ADAMTS17: variants seen among roughly 807,000 people sequenced by gnomAD.
The protein encoded by ADAMTS17 is ADAM metallopeptidase with thrombospondin type 1 motif 17.
Under a neutral mutation model 141.5 loss-of-function variants are expected in ADAMTS17, and 113 were observed. The observed-to-expected ratio is 0.80, with a 90% CI of 0.69 to 0.93. The LOEUF (loss-of-function observed/expected upper bound fraction) is 0.93. ADAMTS17 is among the 40% of genes least tolerant of loss of function. The pLI is 0.00. For synonymous variants in ADAMTS17, 768 were observed against 630.6 expected (o/e 1.22, Z -3.27); for missense variants, 1,659 against 1,517.9 (o/e 1.09, Z -1.54).
At chr15:100,262,749 A>G (rs1046193424) in intron 4 of ADAMTS17, among the ~76,000 whole-genome samples, 8 of 151,650 alleles carry the variant, frequency 5.3e-5, no homozygotes, top group South Asian at 2.1e-4. Flanking sequence ...TTAAAAATCA[A>G]TATTAAAAAT....
intron 18 of ADAMTS17, among the ~76,000 whole-genome samples, chr15:100,026,057 C>A (rs982036281): frequency 1.3e-5 from 2 of 152,152 alleles, no homozygotes; most frequent in African/African-American, 4.8e-5. Flanking sequence ...CCTCAGAAGG[C>A]CTCCTCATAC....
chr15:100,258,898 G>A (rs992711339), intron 6 of ADAMTS17, among the ~76,000 whole-genome samples: 2 of 152,154 alleles, frequency 1.3e-5, no homozygotes, highest in African/African-American at 4.8e-5. Flanking sequence ...CCTTGTAAAA[G>A]GGCTAATACA....
chr15:100,073,613 G>A (rs1252350124), intron 15 of ADAMTS17, among the ~76,000 whole-genome samples: 1 of 151,860 alleles, frequency 6.6e-6, no homozygotes, highest in Non-Finnish European at 1.5e-5. Context: ...GTCCTTTGTA[G>A]GGACATGGAT....
intron 7 of ADAMTS17, among the ~76,000 whole-genome samples, chr15:100,232,427 G>A (rs541495166): frequency 6.6e-5 from 10 of 152,352 alleles, no homozygotes; most frequent in African/African-American, 2.4e-4. Flanking sequence ...TGAAAATAGT[G>A]CCAGACATGG....
chr15:100,052,636 TTA>T (rs1445847809), intron 16 of ADAMTS17, among the ~76,000 whole-genome samples: 3 of 152,198 alleles, frequency 2.0e-5, no homozygotes, highest in Non-Finnish European at 4.4e-5. Context: ...AGTACAGGTT[TTA>T]TGTTTTGCCT....
chr15:100,292,214 C>G (rs572503349), intron 3 of ADAMTS17, among the ~76,000 whole-genome samples: 9 of 140,570 alleles, frequency 6.4e-5, no homozygotes, highest in East Asian at 4.8e-4. Context: ...GACACGCTCA[C>G]CCCGTGGGGA....
chr15:99,980,517 CT>C (rs1235675166), intron 20 of ADAMTS17: 1 of 152,234 alleles, frequency 6.6e-6, no homozygotes, highest in Non-Finnish European at 1.5e-5. Flanking sequence ...GGGCAGGGGG[CT>C]GTTGGATTTC....
At chr15:100,289,887 A>G (rs2044573121) in intron 3 of ADAMTS17, among the ~76,000 whole-genome samples, 1 of 152,230 alleles carries the variant, frequency 6.6e-6, no homozygotes, top group African/African-American at 2.4e-5. Context: ...AGAGCCATCT[A>G]TGACAAACCC....
Position 100,192,309 on chromosome 15 carries a change from G to T in ADAMTS17, c.1181+7009C>A, listed in dbSNP as rs560828602. 9.8e-5 allele frequency among the ~76,000 whole-genome samples: 15 copies of T among 152,300 alleles called. 1 individual carries two copies. The highest frequency in any genetic ancestry group is 3.6e-4 in the African/African-American group (15 of 41,560). ...GGCCATGATTGCTAAGCAGGAACTG[G>T]GGATGAGGCCCAGGCAGGAACCTGC... is the stretch of plus-strand genomic sequence containing the variant. On this transcript the variant is annotated intron_variant, in intron 8 of 21. Coordinates refer to ENST00000268070, the MANE Select transcript of ADAMTS17 (RefSeq NM_139057.4).
At chr15:100,213,236 A>T (rs779996290) in intron 7 of ADAMTS17, among the ~76,000 whole-genome samples, 54 of 152,240 alleles carry the variant, frequency 3.5e-4, no homozygotes, top group Non-Finnish European at 5.3e-4. Flanking sequence ...GACTTGGCAC[A>T]GCAGAGTATA....
chr15:100,027,660 A>G (rs1190398631), intron 18 of ADAMTS17, among the ~76,000 whole-genome samples: 1 of 152,254 alleles, frequency 6.6e-6, no homozygotes, highest in Admixed American at 6.5e-5. Context: ...AATATTTAAT[A>G]TCTGTCTTTC....
chr15:100,021,216 G>A (rs2061401326), intron 18 of ADAMTS17, among the ~76,000 whole-genome samples: 1 of 152,198 alleles, frequency 6.6e-6, no homozygotes, highest in African/African-American at 2.4e-5. Context: ...CAGGCCTGTG[G>A]TTCTGGGTGG....
chr15:100,144,634 T>C (rs1046377984), intron 10 of ADAMTS17, among the ~76,000 whole-genome samples: 2 of 151,992 alleles, frequency 1.3e-5, no homozygotes, highest in African/African-American at 4.8e-5. Flanking sequence ...CAACATTCAG[T>C]ATGGAAGAGA....
intron 15 of ADAMTS17, among the ~76,000 whole-genome samples, chr15:100,068,961 T>G (rs181421800): frequency 6.6e-6 from 1 of 152,180 alleles, no homozygotes; most frequent in East Asian, 1.9e-4. Flanking sequence ...AAGGAGGAAG[T>G]TGAAACCTAT....
At chr15:100,117,396 G>A (rs941504856) in intron 12 of ADAMTS17, among the ~76,000 whole-genome samples, 14 of 135,376 alleles carry the variant, frequency 1.0e-4, no homozygotes, top group Non-Finnish European at 1.9e-4. Context: ...TCTCTGAAAT[G>A]AAGACCTTTA....
intron 7 of ADAMTS17, among the ~76,000 whole-genome samples, chr15:100,241,515 T>C (rs2042826726): frequency 6.6e-6 from 1 of 152,232 alleles, no homozygotes; most frequent in Non-Finnish European, 1.5e-5. Context: ...CACACTTTAC[T>C]TCTCACTCAT....
intron 8 of ADAMTS17, among the ~76,000 whole-genome samples, chr15:100,159,177 A>G (rs567980899): frequency 6.6e-6 from 1 of 152,366 alleles, no homozygotes; most frequent in Non-Finnish European, 1.5e-5. Context: ...TCCCACGTTC[A>G]GTTACAGCAT....
chr15:100,153,106 A>C (rs527600008), intron 9 of ADAMTS17, among the ~76,000 whole-genome samples: 1 of 152,202 alleles, frequency 6.6e-6, no homozygotes, highest in Non-Finnish European at 1.5e-5. Flanking sequence ...ATTTTCTTAG[A>C]CTATGGCTTT....
chr15:100,041,054 G>A (rs2031206435), intron 18 of ADAMTS17, among the ~76,000 whole-genome samples: 1 of 152,134 alleles, frequency 6.6e-6, no homozygotes, highest in Non-Finnish European at 1.5e-5. Context: ...TTAAGTCATG[G>A]TCTCTCTCTC....
Sources: gnomAD v4.1 joint callset for allele counts (sites outside exome capture counted in the v4.1 genomes callset) on GRCh38, gnomAD v4.1.1 for gene constraint, MANE v1.5 for transcripts, NCBI Gene and HGNC (gene_info 2026-07-23, HGNC 2026-07-21) for gene names.